Variants in EFCAB11 observed in about 807,000 individuals in gnomAD.
The protein encoded by EFCAB11 is EF-hand calcium-binding domain-containing protein 11.
In EFCAB11, 14 loss-of-function variants were observed where a neutral mutation model predicts 23.0. The observed-to-expected ratio is 0.61, with a 90% CI of 0.40 to 0.95. EFCAB11 has a LOEUF of 0.95. EFCAB11 is among the 40% of genes least tolerant of loss of function. The probability of loss-of-function intolerance (pLI) is 0.00; values close to 1 mark genes in which losing one functional copy is unlikely to be tolerated. For synonymous variants in EFCAB11, 65 were observed against 66.6 expected, an observed-to-expected ratio of 0.98 and a Z score of 0.11; for missense variants, 198 against 195.8, an observed-to-expected ratio of 1.01 and a Z score of -0.07.
intron 5 of EFCAB11, among the ~76,000 whole-genome samples, chr14:89,911,998 T>C (rs112898457): frequency 0.029 from 4,477 of 152,294 alleles, 98 homozygotes; most frequent in African/African-American, 0.062. Flanking sequence ...GCTGAGATAC[T>C]TTTCAAAGGT....
chr14:89,865,559 T>C (rs1478565298), intron 5 of EFCAB11, among the ~76,000 whole-genome samples: 1 of 151,956 alleles, frequency 6.6e-6, no homozygotes, highest in Non-Finnish European at 1.5e-5. Flanking sequence ...TGGAGTGCAG[T>C]GAAACAATCA....
intron 5 of EFCAB11, among the ~76,000 whole-genome samples, chr14:89,823,551 CCAAT>C (rs1190751770): frequency 6.6e-6 from 1 of 152,090 alleles, no homozygotes; most frequent in Non-Finnish European, 1.5e-5. Flanking sequence ...TACTCAGAAT[CCAAT>C]CAAAACATTA....
chr14:89,814,488 T>C (rs753395158), intron 5 of EFCAB11, among the ~76,000 whole-genome samples: 27 of 152,136 alleles, frequency 1.8e-4, no homozygotes, highest in Non-Finnish European at 3.2e-4. Context: ...GCAGATCACC[T>C]GAGGTTGGGA....
chr14:89,874,101 G>A (rs1888362162), intron 5 of EFCAB11, among the ~76,000 whole-genome samples: 1 of 152,202 alleles, frequency 6.6e-6, no homozygotes, highest in African/African-American at 2.4e-5. Flanking sequence ...TACATCCTCT[G>A]AAATCTAGGC....
At chr14:89,821,993 A>G (rs1886534525) in intron 5 of EFCAB11, among the ~76,000 whole-genome samples, 2 of 152,242 alleles carry the variant, frequency 1.3e-5, no homozygotes, top group African/African-American at 4.8e-5. Context: ...ATTACACATG[A>G]CATTTCCCAC....
At chr14:89,930,094 T>G (rs1435507704) in intron 5 of EFCAB11, among the ~76,000 whole-genome samples, 1 of 152,248 alleles carries the variant, frequency 6.6e-6, no homozygotes, top group Admixed American at 6.5e-5. Flanking sequence ...TTAAAGGATT[T>G]GCTTTTACAA....
chr14:89,954,722 T>A lies in EFCAB11; in HGVS notation c.-62A>T, dbSNP rs768623618. The A allele has an allele frequency of 1.3e-6, 2 of 1,570,282 alleles. No individual in the cohort carries two copies. The highest frequency in any genetic ancestry group is 2.7e-5 in the African/African-American group (2 of 73,882). ...GCTACCACCGCTTTCCCAGCCTGGC[T>A]GGCAGCCTACCGCGGCCACGCCCAC... On this transcript the variant is annotated 5_prime_UTR_variant, in exon 1 of 6. Coordinates refer to ENST00000316738, the MANE Select transcript of EFCAB11 (RefSeq NM_145231.4).
At chr14:89,862,551 C>A (rs1284078526) in intron 5 of EFCAB11, among the ~76,000 whole-genome samples, 1 of 152,112 alleles carries the variant, frequency 6.6e-6, no homozygotes, top group Non-Finnish European at 1.5e-5. Context: ...TGACAGAAAG[C>A]TACCTGGTGG....
chr14:89,797,931 T>G (rs11159931), intron 5 of EFCAB11, among the ~76,000 whole-genome samples: 57,007 of 151,918 alleles, frequency 0.38, 11,411 homozygotes, highest in Middle Eastern at 0.48. Flanking sequence ...AGACTCCATC[T>G]CAATTAAGAA....
Position 89,954,650 on chromosome 14 carries a change from G to A in EFCAB11, c.11C>T (p.Ser4Phe), listed in dbSNP as rs989335252. 24 of 1,612,452 alleles carry A rather than the reference G, an allele frequency of 1.5e-5. No homozygotes were observed. In the South Asian group the frequency reaches 2.5e-4, roughly 17 times the overall value. The change falls in exon 1 of 6, where the codon TCC becomes TTC. Residue 4 changes from serine to phenylalanine, a missense_variant. By Grantham distance (155) the Ser-to-Phe change is radical. Transcript: ENST00000316738. MFF[S>F]EARARSRTWE... ...CGTCCGCGACCTGGCTCTGGCCTCG[G>A]AGAAGAACATCGCGACTACAACAAC... is the stretch of plus-strand genomic sequence containing the variant.
At chr14:89,952,185 T>C (rs1340198200) in intron 2 of EFCAB11, among the ~76,000 whole-genome samples, 2 of 152,154 alleles carry the variant, frequency 1.3e-5, no homozygotes, top group African/African-American at 4.8e-5. Flanking sequence ...TAAATACCGT[T>C]TAGTGACCTG....
At chr14:89,910,506 G>A (rs146890546) in intron 5 of EFCAB11, among the ~76,000 whole-genome samples, 1 of 152,236 alleles carries the variant, frequency 6.6e-6, no homozygotes. Context: ...GTTGAGGCAT[G>A]AGAATCACTC....
chr14:89,910,355 T>C (rs1334933183), intron 5 of EFCAB11, among the ~76,000 whole-genome samples: 1 of 152,164 alleles, frequency 6.6e-6, no homozygotes, highest in Non-Finnish European at 1.5e-5. Flanking sequence ...CCCAGCACTT[T>C]GGGAGGCTGA....
rs375782284 is a variant in EFCAB11, at chr14:89,794,968, C to CTTTTTTTTT, written c.*2266_*2274dup. ...TGCTTGATTTGTTTCTACTTAATGT[C>CTTTTTTTTT]TTTTTTTTTTTTTTTTTTTTTTTTT... On this transcript the variant is annotated 3_prime_UTR_variant, in exon 6 of 6. Coordinates refer to ENST00000316738, the MANE Select transcript of EFCAB11 (RefSeq NM_145231.4). 1 of 67,246 alleles carries CTTTTTTTTT rather than the reference C, an allele frequency of 1.5e-5. No homozygotes were observed. The highest frequency in any genetic ancestry group is 7.6e-4 in the South Asian group (1 of 1,322). The allele number at this position is 67,246 out of a possible 1,614,324, so 4.2% of individuals were successfully genotyped here. A position where few individuals can be genotyped will look rare whatever the true frequency, so the allele number is the denominator to read the frequency against.
intron 5 of EFCAB11, among the ~76,000 whole-genome samples, chr14:89,881,466 T>TATA (rs10524743): frequency 1.6e-5 from 2 of 122,222 alleles, no homozygotes; most frequent in African/African-American, 3.0e-5. Context: ...TATATATATA[T>TATA]TCTTTTTTTT....
chr14:89,868,899 T>C lies in EFCAB11; in HGVS notation c.410+62642A>G, dbSNP rs144524557. Among the ~76,000 whole-genome samples the C allele has an allele frequency of 2.0e-3, 305 of 152,280 alleles. 1 individual carries two copies. The highest frequency in any genetic ancestry group is 7.0e-3 in the African/African-American group (291 of 41,578). On this transcript the variant is annotated intron_variant, in intron 5 of 5. Coordinates refer to ENST00000316738, the MANE Select transcript of EFCAB11 (RefSeq NM_145231.4). The stretch of plus-strand genomic sequence containing the variant: ...CTGCTTTCTTACAGAAACAAATGTG[T>C]GCACACTAGGTCTCATCCTAGTATG...
chr14:89,884,520 C>T (rs1006715438), intron 5 of EFCAB11, among the ~76,000 whole-genome samples: 5 of 151,966 alleles, frequency 3.3e-5, no homozygotes, highest in Admixed American at 1.3e-4. Context: ...GCTCACATAA[C>T]TTTTATTTAT....
In EFCAB11 at chr14:89,932,536, A is replaced by G; in HGVS notation, c.309T>C (p.Phe103=). ...RNEVRHIFTA[F]DTYYRGFLTL... ...TTTAGAGACACTTACAGTAGGTGTC[A>G]AAGGCTGTGAAGATGTGTCTTACTT... is the stretch of plus-strand genomic sequence containing the variant. Residue 103 remains phenylalanine (F), a synonymous_variant, in exon 4 of 6, where the codon TTT becomes TTC. Coordinates refer to ENST00000316738, the MANE Select transcript of EFCAB11 (RefSeq NM_145231.4). 6.2e-7 allele frequency: 1 copy of G among 1,613,602 alleles called. No individual in the cohort carries two copies.
chr14:89,829,813 A>G (rs1886826170), intron 5 of EFCAB11: 3 of 152,240 alleles, frequency 2.0e-5, no homozygotes, highest in Non-Finnish European at 4.4e-5. Context: ...AAATTTGATA[A>G]AGCATTTTGA....
Sources: allele counts gnomAD v4.1 joint callset (sites outside exome capture counted in the v4.1 genomes callset), GRCh38; gene constraint gnomAD v4.1.1; transcripts MANE v1.5; gene names NCBI Gene and HGNC (gene_info 2026-07-23, HGNC 2026-07-21).